Variants in RNF38 observed in about 807,000 individuals in gnomAD.
The protein encoded by RNF38 is E3 ubiquitin-protein ligase RNF38.
A neutral mutation model predicts 67.2 loss-of-function variants in RNF38; 15 were observed. That is an observed-to-expected ratio of 0.22 (90% CI 0.15 to 0.34). The LOEUF (loss-of-function observed/expected upper bound fraction) is 0.34. Among genes scored for constraint, RNF38 ranks in the 10% least tolerant of loss-of-function variants. RNF38 has a pLI of 1.00. For synonymous variants in RNF38, 220 were observed against 218.8 expected, an observed-to-expected ratio of 1.01 and a Z score of -0.05; for missense variants, 524 against 639.9, an observed-to-expected ratio of 0.82 and a Z score of 1.95.
chr9:36,374,451 T>C (rs956656454), intron 3 of RNF38, among the ~76,000 whole-genome samples: 3 of 152,140 alleles, frequency 2.0e-5, no homozygotes, highest in Non-Finnish European at 2.9e-5. Context: ...CATCTCACTG[T>C]CTCCTCATAT....
At chr9:36,391,690 G>A (rs1372082568) in intron 1 of RNF38, among the ~76,000 whole-genome samples, 1 of 145,434 alleles carries the variant, frequency 6.9e-6, no homozygotes, top group Non-Finnish European at 1.5e-5. Flanking sequence ...TCGGCTCACT[G>A]CAGGCTCCAC....
At chr9:36,487,250 C>T (rs1840439408) in intron 1 of RNF38, 7 of 967,264 alleles carry the variant, frequency 7.2e-6, no homozygotes, top group Non-Finnish European at 8.6e-6. Flanking sequence ...GCCTCCGGCC[C>T]CCACCCGCGG....
At chr9:36,402,336 T>TC (rs1838065619), upstream of RNF38, among the ~76,000 whole-genome samples, 1 of 151,078 alleles carries the variant, frequency 6.6e-6, no homozygotes, top group Non-Finnish European at 1.5e-5. Flanking sequence ...CATCTAAACT[T>TC]GTTTTTTTTG....
chr9:36,375,898 GAAGAAAACTT>G, intron 3 of RNF38, 26 bp downstream of exon 3: 1 of 1,557,176 alleles, frequency 6.4e-7, no homozygotes, highest in Non-Finnish European at 8.7e-7. Flanking sequence ...TCTACCAATG[GAAGAAAACTT>G]AAGAAATAAA....
intron 1 of RNF38, among the ~76,000 whole-genome samples, chr9:36,397,275 G>A (rs1193016132): frequency 6.6e-6 from 1 of 151,614 alleles, no homozygotes; most frequent in South Asian, 2.1e-4. Context: ...CACCACACCC[G>A]ACTAATTTTT....
chr9:36,407,027 A>C (rs1422360002), intron 2 of RNF38, among the ~76,000 whole-genome samples: 1 of 152,154 alleles, frequency 6.6e-6, no homozygotes, highest in Non-Finnish European at 1.5e-5. Context: ...CCAAAAAACA[A>C]AAGATAAAGC....
intron 2 of RNF38, among the ~76,000 whole-genome samples, chr9:36,385,142 AT>A (rs138514901): frequency 5.9e-4 from 87 of 148,552 alleles, no homozygotes; most frequent in Non-Finnish European, 7.6e-4. Flanking sequence ...CTAACCGAAA[AT>A]TTAAAAAAAA....
In RNF38 at chr9:36,340,278, C is replaced by T. The variant is rs557617485; in HGVS notation, c.1486-464G>A. Among the ~76,000 whole-genome samples, 5 of 152,270 alleles carry T rather than the reference C, an allele frequency of 3.3e-5. No individual in the cohort carries two copies. The East Asian group carries it at 7.7e-4, about 23-fold the overall frequency. ...ACAGGCGTGAGCCACTGCGCCTGGC[C>T]GCCATGAATGATTTTTAGTAGGTCT... On this transcript the variant is annotated intron_variant, in intron 11 of 11. Transcript: ENST00000259605.
At chr9:36,342,462 G>T in intron 10 of RNF38, 38 bp from the exon 11 acceptor site, 1 of 1,295,948 alleles carries the variant, frequency 7.7e-7, no homozygotes, top group Non-Finnish European at 1.1e-6. Flanking sequence ...CACAAAACCA[G>T]ATGGTTTTCT....
chr9:36,444,081 T>C (rs1003488168), intron 1 of RNF38, among the ~76,000 whole-genome samples: 3 of 152,328 alleles, frequency 2.0e-5, no homozygotes, highest in Non-Finnish European at 4.4e-5. Flanking sequence ...AATATTTTTA[T>C]TGTTAGCAAC....
intron 1 of RNF38, among the ~76,000 whole-genome samples, chr9:36,479,806 A>T (rs1840206730): frequency 6.6e-6 from 1 of 152,104 alleles, no homozygotes; most frequent in Non-Finnish European, 1.5e-5. Flanking sequence ...TTTATTAATT[A>T]TGAGTCCCAG....
intron 2 of RNF38, among the ~76,000 whole-genome samples, chr9:36,414,547 G>A (rs1329575727): frequency 3.3e-5 from 5 of 151,952 alleles, no homozygotes; most frequent in Non-Finnish European, 7.4e-5. Flanking sequence ...TTAGCCGGGC[G>A]TGGTGGCACA....
At chr9:36,432,261 A>G (rs1328291794) in intron 1 of RNF38, among the ~76,000 whole-genome samples, 2 of 151,876 alleles carry the variant, frequency 1.3e-5, no homozygotes, top group Non-Finnish European at 1.5e-5. Flanking sequence ...CAGCCTCCCA[A>G]GTAGCTGGGA....
chr9:36,359,945 A>G (rs755311252), intron 4 of RNF38, among the ~76,000 whole-genome samples: 8 of 151,554 alleles, frequency 5.3e-5, no homozygotes, highest in Non-Finnish European at 8.8e-5. Flanking sequence ...GGGTTTCACC[A>G]TTTTGGCCAG....
upstream of RNF38, chr9:36,400,996 C>G: frequency 1.0e-6 from 1 of 984,790 alleles, no homozygotes; most frequent in Non-Finnish European, 1.2e-6. Flanking sequence ...CTCCGCTGCG[C>G]GCGCAGGCGA....
At chr9:36,378,940 G>A (rs1835995798) in intron 2 of RNF38, among the ~76,000 whole-genome samples, 1 of 144,472 alleles carries the variant, frequency 6.9e-6, no homozygotes, top group Non-Finnish European at 1.5e-5. Context: ...CACTCTTGTT[G>A]CCCAGGCTGG....
chr9:36,426,776 T>C (rs1838783583), intron 1 of RNF38, among the ~76,000 whole-genome samples: 1 of 152,256 alleles, frequency 6.6e-6, no homozygotes, highest in African/African-American at 2.4e-5. Context: ...GGAGTCAGAC[T>C]TCAATACAAT....
At chr9:36,349,441 T>C (rs932322986) in intron 9 of RNF38, among the ~76,000 whole-genome samples, 1 of 152,216 alleles carries the variant, frequency 6.6e-6, no homozygotes, top group African/African-American at 2.4e-5. Context: ...AAATGTCTAT[T>C]CAGGTCCTCC....
In RNF38 at chr9:36,357,803, T is replaced by G. The variant is rs774277133; in HGVS notation, c.710A>C (p.His237Pro). 6.2e-7 allele frequency: 1 copy of G among 1,613,496 alleles called. No individual in the cohort carries two copies. Among genetic ancestry groups the G allele is most frequent in the Non-Finnish European group, 8.5e-7 (1 of 1,179,796 alleles). ...PGCSVVFSGQ[H>P]LPVCSVPPPM... The stretch of plus-strand genomic sequence containing the variant: ...AGGAGGCACACTACAGACAGGGAGG[T>G]GCTGTCCACTGAAAACCACAGAGCA... The change falls in exon 5 of 12, where the codon CAC (histidine) becomes CCC (proline). Residue 237 changes from histidine to proline, a missense_variant. This residue lies in a region of RNF38 where 461 missense variants were observed against 517.4 expected (regional missense o/e 0.89). Coordinates refer to ENST00000259605, the MANE Select transcript of RNF38 (RefSeq NM_022781.5).
Sources: allele counts gnomAD v4.1 joint callset (sites outside exome capture counted in the v4.1 genomes callset), GRCh38; gene constraint gnomAD v4.1.1; regional missense constraint gnomAD v4.1.1; transcripts MANE v1.5; gene names NCBI Gene and HGNC (gene_info 2026-07-23, HGNC 2026-07-21).